CHD6: variants seen among roughly 807,000 people sequenced by gnomAD.
The protein encoded by CHD6 is chromodomain helicase DNA binding protein 6, also known as ATP-dependent chromatin remodeler CHD6.
A neutral mutation model predicts 276.9 loss-of-function variants in CHD6; 50 were observed. The observed-to-expected ratio is 0.18, with a 90% CI of 0.14 to 0.23. The LOEUF is 0.23. Among genes scored for constraint, CHD6 ranks in the 10% least tolerant of loss-of-function variants. The probability of loss-of-function intolerance (pLI) is 1.00; values close to 1 mark genes in which losing one functional copy is unlikely to be tolerated. For missense variants in CHD6, 2,564 were observed against 3,365.8 expected (o/e 0.76, Z 5.89); for synonymous variants, 1,173 against 1,229.3 (o/e 0.95, Z 0.96).
At chr20:41,522,884 C>G (rs1212755989) in intron 3 of CHD6, among the ~76,000 whole-genome samples, 1 of 152,036 alleles carries the variant, frequency 6.6e-6, no homozygotes, top group Non-Finnish European at 1.5e-5. Context: ...TTCTTTTTAC[C>G]ATGGTGATTG....
At chr20:41,455,660 A>ATG in intron 19 of CHD6, 140 bp downstream of exon 19, 1 of 593,218 alleles carries the variant, frequency 1.7e-6, no homozygotes, top group Non-Finnish European at 3.0e-6. Flanking sequence ...CTATATCTTT[A>ATG]GATAGTCACG....
At chr20:41,437,171 C>T (rs2047736230) in intron 27 of CHD6, 103 bp downstream of exon 27, 2 of 814,360 alleles carry the variant, frequency 2.5e-6, no homozygotes. Flanking sequence ...TGCAATGTAA[C>T]TGTAGTAATG....
At chr20:41,437,023 G>A (rs562683164) in intron 27 of CHD6, among the ~76,000 whole-genome samples, 7 of 152,188 alleles carry the variant, frequency 4.6e-5, no homozygotes, top group African/African-American at 1.7e-4. Context: ...CTGGATAAAA[G>A]GTATATGCGA....
chr20:41,506,249 TAC>T (rs2043973312), intron 5 of CHD6, among the ~76,000 whole-genome samples: 1 of 152,202 alleles, frequency 6.6e-6, no homozygotes, highest in South Asian at 2.1e-4. Context: ...ATGCTCCGCT[TAC>T]ACTGCTTAAA....
chr20:41,484,437 C>T lies in CHD6; in HGVS notation c.2172G>A (p.Lys724=), dbSNP rs2043365327. Reference sequence around the variant, plus strand: ...TGGGCATGTTGTGCTGATTTGCCCCCTTGGTCAGGAAGGAAAAGTTCTTCT... The same window carrying T: ...TGGGCATGTTGTGCTGATTTGCCCCTTTGGTCAGGAAGGAAAAGTTCTTCT... ...ILEKNFSFLT[K]GANQHNMPNL... Residue 724 remains lysine, a synonymous_variant, in exon 15 of 37, where the codon AAG becomes AAA. Transcript: ENST00000373233. 5 of 1,613,746 alleles carry T rather than the reference C, an allele frequency of 3.1e-6. No homozygotes were observed. The highest frequency in any genetic ancestry group is 4.2e-6 in the Non-Finnish European group (5 of 1,179,854).
intron 1 of CHD6, among the ~76,000 whole-genome samples, chr20:41,563,670 T>G (rs1368118986): frequency 1.3e-5 from 2 of 152,206 alleles, no homozygotes; most frequent in Non-Finnish European, 2.9e-5. Context: ...AGAAGAACAG[T>G]AGAAGCAAGT....
rs148560732 is a variant in CHD6, at chr20:41,531,823, C to T, written c.554+1227G>A. On this transcript the variant is annotated intron_variant, in intron 3 of 36. Transcript: ENST00000373233. ...AAACTCCACGTTGCAACACACACCA[C>T]TTAAAATGCATTCTTAAAATTACCT... Among the ~76,000 whole-genome samples, 354 of 152,252 alleles carry T rather than the reference C, an allele frequency of 2.3e-3. 2 individuals carry two copies. Among genetic ancestry groups the T allele is most frequent in the Middle Eastern group, 0.014 (4 of 290 alleles).
intron 17 of CHD6, among the ~76,000 whole-genome samples, chr20:41,472,051 T>G (rs970278115): frequency 3.3e-5 from 5 of 151,652 alleles, no homozygotes; most frequent in Admixed American, 2.0e-4. Context: ...ATGCCCAACA[T>G]AGCAAAATCC....
At position 41,421,395 on chromosome 20, in the gene CHD6, G is replaced by A; in HGVS notation, c.5240C>T (p.Ser1747Phe). 1 of 1,614,204 alleles carries A rather than the reference G, an allele frequency of 6.2e-7. No homozygotes were observed. Among genetic ancestry groups the A allele is most frequent in the Non-Finnish European group, 8.5e-7 (1 of 1,180,036 alleles). Residue 1747 changes from serine (S) to phenylalanine (F), a missense_variant, in exon 31 of 37, where the codon TCT becomes TTT. Ser to Phe is a radical substitution (Grantham distance 155). This residue lies in a region of CHD6 where 1,024 missense variants were observed against 1,047.9 expected (regional missense o/e 0.98). Transcript: ENST00000373233. ...AGCTATTTCTGCCTCAGGGCCACCA[G>A]ACTGGCAGTTCCCATCTTTGCTTAT... is the stretch of plus-strand genomic sequence containing the variant. ...ISISKDGNCQ[S>F]GGPEAEIASG...
intron 8 of CHD6, 31 bp from the exon 9 acceptor site, chr20:41,493,975 G>T (rs1484823345): frequency 2.6e-6 from 4 of 1,552,658 alleles, no homozygotes; most frequent in Non-Finnish European, 3.6e-6. Context: ...CAGTTAGGAA[G>T]TATGTCCCCT....
At chr20:41,577,718 G>C (rs1229495329) in intron 1 of CHD6, among the ~76,000 whole-genome samples, 1 of 152,154 alleles carries the variant, frequency 6.6e-6, no homozygotes, top group East Asian at 1.9e-4. Flanking sequence ...TATCTTCCAA[G>C]GCTAGTGGGT....
chr20:41,574,634 A>G (rs762990209), intron 1 of CHD6, among the ~76,000 whole-genome samples: 1 of 152,232 alleles, frequency 6.6e-6, no homozygotes, highest in Non-Finnish European at 1.5e-5. Flanking sequence ...GCCAGCTATC[A>G]GTGAGTCTAA....
intron 1 of CHD6, among the ~76,000 whole-genome samples, chr20:41,552,381 C>T (rs1217502694): frequency 6.6e-6 from 1 of 152,128 alleles, no homozygotes; most frequent in Admixed American, 6.5e-5. Context: ...GGCATTAAGT[C>T]TTAATAGAGC....
At position 41,421,886 on chromosome 20, in the gene CHD6, G is replaced by T; in HGVS notation, c.4749C>A (p.Asp1583Glu). 2.5e-6 allele frequency: 4 copies of T among 1,614,164 alleles called. No individual in the cohort carries two copies. Among genetic ancestry groups the T allele is most frequent in the Non-Finnish European group, 3.4e-6 (4 of 1,180,020 alleles). Residue 1583 changes from aspartate to glutamate, a missense_variant, in exon 31 of 37, where the codon GAC becomes GAA. Asp to Glu is a conservative substitution (Grantham distance 45, BLOSUM62 2). Transcript: ENST00000373233. ...VWWECGKHDR[D>E]LLIGTAKHGL... ...CATGTTTGGCAGTGCCGATGAGCAG[G>T]TCTCGATCATGCTTCCCACACTCCC...
intron 17 of CHD6, among the ~76,000 whole-genome samples, chr20:41,471,825 G>A (rs916148849): frequency 3.3e-5 from 5 of 152,080 alleles, no homozygotes; most frequent in Admixed American, 6.5e-5. Flanking sequence ...ATAAGCCACC[G>A]TGCCCGGCCA....
Position 41,533,045 on chromosome 20 carries a change from C to A in CHD6, c.554+5G>T. 3 of 1,576,386 alleles carry A rather than the reference C, an allele frequency of 1.9e-6. No homozygotes were observed. Among genetic ancestry groups the A allele is most frequent in the South Asian group, 1.2e-5 (1 of 83,792 alleles). On this transcript the variant is annotated splice_donor_5th_base_variant and intron_variant, in intron 3 of 36. Coordinates refer to ENST00000373233, the MANE Select transcript of CHD6 (RefSeq NM_032221.5). ...AGTGCTCAGAGAAGGGAGAAAGGAACGTACCTGGCCTTCCTGGACTTCGTC... is the reference window on the plus strand; with the variant it reads ...AGTGCTCAGAGAAGGGAGAAAGGAAAGTACCTGGCCTTCCTGGACTTCGTC...
chr20:41,420,249 A>C (rs1026761962), intron 31 of CHD6, among the ~76,000 whole-genome samples: 2 of 152,218 alleles, frequency 1.3e-5, no homozygotes, highest in Non-Finnish European at 2.9e-5. Flanking sequence ...ATTGAATGAA[A>C]ACACACAAGC....
intron 5 of CHD6, among the ~76,000 whole-genome samples, chr20:41,507,592 G>A (rs976945272): frequency 6.6e-6 from 1 of 152,176 alleles, no homozygotes; most frequent in Admixed American, 6.5e-5. Flanking sequence ...TTGTGCGTAA[G>A]TACGATCATG....
chr20:41,490,058 A>G (rs2043510202), intron 11 of CHD6, 37 bp from the exon 12 acceptor site: 2 of 1,589,530 alleles, frequency 1.3e-6, no homozygotes, highest in East Asian at 2.2e-5. Flanking sequence ...TTCATTATCA[A>G]TATAGGAAAC....
Sources: gnomAD v4.1 joint callset for allele counts (sites outside exome capture counted in the v4.1 genomes callset) on GRCh38, gnomAD v4.1.1 for gene constraint, gnomAD v4.1.1 regional missense constraint, MANE v1.5 for transcripts, NCBI Gene and HGNC (gene_info 2026-07-23, HGNC 2026-07-21) for gene names.